SLC30A8: variants seen among roughly 807,000 people sequenced by gnomAD.
The protein encoded by SLC30A8 is proton-coupled zinc antiporter SLC30A8.
SLC30A8 carries 27 observed loss-of-function variants against 36.9 expected under a neutral mutation model. The ratio of observed to expected loss-of-function variants is 0.73; its 90% CI spans 0.54 to 1.01. The LOEUF is 1.01. Ranked by LOEUF, SLC30A8 falls within the 50% of genes least tolerant of loss-of-function variation. The pLI is 0.00. For missense variants in SLC30A8, 439 were observed against 452.0 expected (o/e 0.97, Z 0.26); for synonymous variants, 164 against 172.4 (o/e 0.95, Z 0.38).
chr8:116,956,504 A>G (rs1256451183), intron 1 of SLC30A8, among the ~76,000 whole-genome samples: 1 of 152,220 alleles, frequency 6.6e-6, no homozygotes, highest in African/African-American at 2.4e-5. Context: ...TTCACTTTCT[A>G]GTGATTCTTA....
chr8:117,141,148 G>A (rs1269031906), intron 1 of SLC30A8, among the ~76,000 whole-genome samples: 1 of 151,988 alleles, frequency 6.6e-6, no homozygotes, highest in Non-Finnish European at 1.5e-5. Context: ...AAATAGAAGA[G>A]GTGTAAATAC....
intron 1 of SLC30A8, among the ~76,000 whole-genome samples, chr8:116,952,402 TC>T (rs1362326424): frequency 6.6e-6 from 1 of 152,074 alleles, no homozygotes; most frequent in Non-Finnish European, 1.5e-5. Flanking sequence ...AAATTATCAG[TC>T]CCTTGAAGGC....
At chr8:117,034,301 G>A (rs1817144015) in intron 1 of SLC30A8, among the ~76,000 whole-genome samples, 1 of 152,110 alleles carries the variant, frequency 6.6e-6, no homozygotes. Context: ...GCTTATGATG[G>A]AAATCATCAG....
At position 117,054,098 on chromosome 8, in the gene SLC30A8, CT is replaced by C. The variant is rs4060800; in HGVS notation, c.-226+14858del. On this transcript the variant is annotated intron_variant, in intron 2 of 10. Transcript: ENST00000427715. ...CATACACTAAATGTACTGCAAAAAT[CT>C]TTTTTTTTTTTTTTTTTGAGACAGG... is the stretch of plus-strand genomic sequence containing the variant. Among the ~76,000 whole-genome samples, 386 of 124,092 alleles carry C rather than the reference CT, an allele frequency of 3.1e-3. 2 individuals carry two copies. The highest frequency in any genetic ancestry group is 0.017 in the Middle Eastern group (4 of 240). The allele number at this position is 124,092 out of a possible 152,430, so 81.4% of individuals were successfully genotyped here. A position where few individuals can be genotyped will look rare whatever the true frequency, so the allele number is the denominator to read the frequency against.
chr8:117,126,960 G>A (rs2130913680), intron 2 of SLC30A8, among the ~76,000 whole-genome samples: 1 of 152,102 alleles, frequency 6.6e-6, no homozygotes, highest in East Asian at 2.0e-4. Context: ...CAGTACTGGG[G>A]CATCTAATAG....
At chr8:117,138,467 G>A (rs1435405663) in intron 1 of SLC30A8, among the ~76,000 whole-genome samples, 1 of 152,026 alleles carries the variant, frequency 6.6e-6, no homozygotes, top group East Asian at 1.9e-4. Flanking sequence ...CTGAGTGGAT[G>A]TAGCCAAAAG....
rs527404973 is a variant in SLC30A8, at chr8:117,136,660, T to TA, written c.71+1268dup. Among the ~76,000 whole-genome samples the TA allele has an allele frequency of 4.7e-3, 711 of 152,080 alleles. 7 individuals carry two copies. The highest frequency in any genetic ancestry group is 0.016 in the African/African-American group (675 of 41,534). On this transcript the variant is annotated intron_variant, in intron 1 of 7. Coordinates refer to ENST00000456015, the MANE Select transcript of SLC30A8 (RefSeq NM_173851.3). ...ATATGATGTATTGAGGTTATTAACA[T>TA]AAAAAACAAAGCCTTGTGGTAAGTC...
intron 2 of SLC30A8, among the ~76,000 whole-genome samples, chr8:117,087,718 A>G (rs1036248075): frequency 2.0e-5 from 3 of 152,116 alleles, no homozygotes; most frequent in African/African-American, 7.2e-5. Flanking sequence ...TCTCTGGCTC[A>G]GTGTCAGCTG....
In SLC30A8 at chr8:116,993,666, A is replaced by G. The variant is rs540603268; in HGVS notation, c.-266+42547A>G. Reference sequence around the variant, plus strand: ...AGGTAACCAGAATCTACAAAAAAGAATAAAATGAACATGCTAGAACTGTAA... The same window carrying G: ...AGGTAACCAGAATCTACAAAAAAGAGTAAAATGAACATGCTAGAACTGTAA... On this transcript the variant is annotated intron_variant, in intron 1 of 10. Transcript: ENST00000427715. 6.5e-4 allele frequency among the ~76,000 whole-genome samples: 99 copies of G among 152,208 alleles called. 1 individual carries two copies. The highest frequency in any genetic ancestry group is 2.2e-3 in the African/African-American group (92 of 41,482).
intron 1 of SLC30A8, among the ~76,000 whole-genome samples, chr8:117,036,355 CTCTGCCTGTTACCCAGT>C (rs1302680984): frequency 4.6e-5 from 7 of 152,316 alleles, no homozygotes; most frequent in Admixed American, 2.6e-4. Flanking sequence ...CTGTTCCAGC[CTCTGCCTGTTACCCAGT>C]TCTAAAGCTA....
upstream of SLC30A8, among the ~76,000 whole-genome samples, chr8:117,132,768 G>A (rs895932364): frequency 6.6e-6 from 1 of 152,010 alleles, no homozygotes; most frequent in African/African-American, 2.4e-5. Context: ...GGGAATGACG[G>A]TGCAGTTAAA....
chr8:117,019,403 A>G (rs913422000), intron 1 of SLC30A8, among the ~76,000 whole-genome samples: 25 of 152,162 alleles, frequency 1.6e-4, no homozygotes, highest in Admixed American at 1.6e-3. Context: ...TTTCCTTATC[A>G]TTTCCCCTGC....
intron 1 of SLC30A8, among the ~76,000 whole-genome samples, chr8:116,990,421 C>T (rs1815594927): frequency 6.6e-6 from 1 of 152,154 alleles, no homozygotes; most frequent in South Asian, 2.1e-4. Flanking sequence ...TTTCCGATAT[C>T]ATGTAGCCTC....
intron 1 of SLC30A8, among the ~76,000 whole-genome samples, chr8:117,027,832 G>A (rs2047962): frequency 0.44 from 66,502 of 152,002 alleles, 15,226 homozygotes; most frequent in African/African-American, 0.56. Flanking sequence ...TGGGAAAAAG[G>A]AGGGTCTTTG....
At chr8:117,018,547 G>A (rs1424219813) in intron 1 of SLC30A8, among the ~76,000 whole-genome samples, 1 of 151,912 alleles carries the variant, frequency 6.6e-6, no homozygotes, top group Admixed American at 6.6e-5. Flanking sequence ...GCACTGCTGT[G>A]TTGGATAGCA....
At position 117,135,257 on chromosome 8, in the gene SLC30A8, G is replaced by T; in HGVS notation, c.-71G>T. 4.4e-6 allele frequency: 5 copies of T among 1,133,872 alleles called. No homozygotes were observed. Among genetic ancestry groups the T allele is most frequent in the Non-Finnish European group, 6.4e-6 (5 of 783,520 alleles). The allele number at this position is 1,133,872 out of a possible 1,614,324, so 70.2% of individuals were successfully genotyped here. A position where few individuals can be genotyped will look rare whatever the true frequency, so the allele number is the denominator to read the frequency against. ...AAAGTGTATAAATAATTGCAGTGCTGCTTTGCTTCCAAAACTGGGCAGTGA... is the reference window on the plus strand; with the variant it reads ...AAAGTGTATAAATAATTGCAGTGCTTCTTTGCTTCCAAAACTGGGCAGTGA... On this transcript the variant is annotated 5_prime_UTR_variant, in exon 1 of 8. Coordinates refer to ENST00000456015, the MANE Select transcript of SLC30A8 (RefSeq NM_173851.3).
intron 1 of SLC30A8, chr8:117,007,234 A>T (rs1023762326): frequency 2.6e-5 from 4 of 151,810 alleles, no homozygotes; most frequent in Non-Finnish European, 5.9e-5. Context: ...AGAGATAGAG[A>T]TGGTTAAAAA....
At chr8:117,078,197 T>C (rs1818550239) in intron 2 of SLC30A8, among the ~76,000 whole-genome samples, 1 of 152,236 alleles carries the variant, frequency 6.6e-6, no homozygotes, top group African/African-American at 2.4e-5. Flanking sequence ...ATAGTTTAAT[T>C]AGCAGGATAT....
intron 2 of SLC30A8, among the ~76,000 whole-genome samples, chr8:117,115,474 A>G (rs1012640267): frequency 1.3e-5 from 2 of 151,832 alleles, no homozygotes; most frequent in African/African-American, 2.4e-5. Context: ...TTCTTCACCA[A>G]TTTTGCATTT....
Sources: gnomAD v4.1 joint callset for allele counts (sites outside exome capture counted in the v4.1 genomes callset) on GRCh38, gnomAD v4.1.1 for gene constraint, MANE v1.5 for transcripts, NCBI Gene and HGNC (gene_info 2026-07-23, HGNC 2026-07-21) for gene names.